FNIP1: variants seen among roughly 807,000 people sequenced by gnomAD.
The protein encoded by FNIP1 is folliculin-interacting protein 1.
FNIP1 carries 40 observed loss-of-function variants against 124.5 expected under a neutral mutation model. That is an observed-to-expected ratio of 0.32 (90% CI 0.25 to 0.42). FNIP1 has a LOEUF of 0.42. FNIP1 is among the 10% of genes least tolerant of loss of function. FNIP1 has a pLI of 1.00. For synonymous variants in FNIP1, 472 were observed against 470.6 expected (o/e 1.00, Z -0.04); for missense variants, 1,176 against 1,403.7 (o/e 0.84, Z 2.59).
At chr5:131,737,823 T>A (rs1770365141) in intron 2 of FNIP1, among the ~76,000 whole-genome samples, 1 of 152,222 alleles carries the variant, frequency 6.6e-6, no homozygotes, top group South Asian at 2.1e-4. Context: ...TCCTGTTAGA[T>A]TCTTAGTTCC....
At chr5:131,754,730 C>T (rs917065731) in intron 1 of FNIP1, among the ~76,000 whole-genome samples, 5 of 152,214 alleles carry the variant, frequency 3.3e-5, no homozygotes, top group South Asian at 2.1e-4. Context: ...CACATACAGA[C>T]TTCTTCATCC....
In FNIP1 at chr5:131,796,710, C is replaced by T. The variant is rs1340806305; in HGVS notation, c.92+120G>A. The stretch of plus-strand genomic sequence containing the variant: ...CAGCCGGCTCCACCCCACCGAGGAC[C>T]AGATGCTGCTCTCGGCGCGGCGCTT... On this transcript the variant is annotated intron_variant, in intron 1 of 17. Coordinates refer to ENST00000510461, the MANE Select transcript of FNIP1 (RefSeq NM_133372.3). The T allele has an allele frequency of 5.5e-6, 5 of 902,478 alleles. No individual in the cohort carries two copies. In the South Asian group the frequency reaches 8.5e-5, roughly 15 times the overall value. 55.9% of individuals were successfully genotyped at this position (902,478 alleles called of 1,614,324 possible).
chr5:131,654,680 T>G (rs1767139790), intron 15 of FNIP1, among the ~76,000 whole-genome samples: 1 of 152,020 alleles, frequency 6.6e-6, no homozygotes, highest in Non-Finnish European at 1.5e-5. Flanking sequence ...AGTTTCGCAG[T>G]GAAAGGGACA....
intron 1 of FNIP1, among the ~76,000 whole-genome samples, chr5:131,764,403 G>A (rs186291719): frequency 7.1e-4 from 108 of 151,050 alleles, no homozygotes; most frequent in Middle Eastern, 3.4e-3. Flanking sequence ...GACCTCCTGG[G>A]CTCAAGTGAC....
At chr5:131,763,265 C>T (rs1054703576) in intron 1 of FNIP1, among the ~76,000 whole-genome samples, 1 of 151,408 alleles carries the variant, frequency 6.6e-6, no homozygotes, top group African/African-American at 2.4e-5. Flanking sequence ...ATTAAAATAT[C>T]TCACATACTT....
chr5:131,670,410 C>A, intron 15 of FNIP1, 53 bp downstream of exon 15: 1 of 1,446,436 alleles, frequency 6.9e-7, no homozygotes, highest in South Asian at 1.6e-5. Context: ...TTGGGTTCTG[C>A]TGCTTAACAG....
chr5:131,748,941 T>G (rs1425569639), intron 1 of FNIP1, among the ~76,000 whole-genome samples: 8 of 152,096 alleles, frequency 5.3e-5, no homozygotes, highest in Non-Finnish European at 1.2e-4. Context: ...AAGATAGTGG[T>G]ACTGATAATC....
chr5:131,652,457 C>T (rs1767067908), intron 15 of FNIP1, among the ~76,000 whole-genome samples: 1 of 152,144 alleles, frequency 6.6e-6, no homozygotes, highest in Admixed American at 6.5e-5. Context: ...CAGGTTCAAG[C>T]CATTCCCCTG....
In FNIP1 at chr5:131,704,205, G is replaced by T. The variant is rs761595163; in HGVS notation, c.976C>A (p.Arg326=). Residue 326 remains arginine, a synonymous_variant, in exon 10 of 18, where the codon CGG becomes AGG. Transcript: ENST00000510461. ...ACCCCAATTGCAATCTTCTTTTTCCGCACAATTCCTGGGTTAGGGCCACAG... is the reference window on the plus strand; with the variant it reads ...ACCCCAATTGCAATCTTCTTTTTCCTCACAATTCCTGGGTTAGGGCCACAG... ...ESCGPNPGIV[R]KKKIAIGVIF... 1 of 1,613,442 alleles carries T rather than the reference G, an allele frequency of 6.2e-7. No homozygotes were observed. Among genetic ancestry groups the T allele is most frequent in the African/African-American group, 1.3e-5 (1 of 74,942 alleles).
intron 1 of FNIP1, among the ~76,000 whole-genome samples, chr5:131,772,841 C>A (rs141351000): frequency 1.3e-5 from 2 of 152,320 alleles, no homozygotes; most frequent in African/African-American, 2.4e-5. Context: ...CTTCTAATTT[C>A]TTCCCACTCT....
intron 6 of FNIP1, among the ~76,000 whole-genome samples, chr5:131,711,036 T>A (rs951481985): frequency 6.6e-5 from 10 of 152,224 alleles, no homozygotes; most frequent in African/African-American, 1.9e-4. Context: ...CCAAATAAAT[T>A]CATTTTTTTA....
At position 131,715,661 on chromosome 5, in the gene FNIP1, A is replaced by G. The variant is rs1034867161; in HGVS notation, c.622+904T>C. On this transcript the variant is annotated intron_variant, in intron 6 of 17. Coordinates refer to ENST00000510461, the MANE Select transcript of FNIP1 (RefSeq NM_133372.3). Reference sequence around the variant, plus strand: ...CGAGTTAAGAAAATGCAGAACTTCTATTTTTCTATAACACACACACATTAT... The same window carrying G: ...CGAGTTAAGAAAATGCAGAACTTCTGTTTTTCTATAACACACACACATTAT... Among the ~76,000 whole-genome samples, 5 of 152,260 alleles carry G rather than the reference A, an allele frequency of 3.3e-5. No individual in the cohort carries two copies. The East Asian group carries it at 9.6e-4, about 29-fold the overall frequency.
chr5:131,673,025 A>G (rs1418417738), intron 13 of FNIP1, 101 bp from the exon 14 acceptor site: 18 of 847,014 alleles, frequency 2.1e-5, no homozygotes, highest in Admixed American at 2.9e-5. Flanking sequence ...TGTATGAGTA[A>G]TAGTTTAGGT....
intron 6 of FNIP1, among the ~76,000 whole-genome samples, chr5:131,716,047 T>G (rs1244533731): frequency 1.3e-5 from 2 of 152,238 alleles, no homozygotes; most frequent in Admixed American, 6.5e-5. Context: ...AATGTGGTAC[T>G]TAAATAACAA....
intron 2 of FNIP1, among the ~76,000 whole-genome samples, chr5:131,738,510 T>C (rs949320668): frequency 2.0e-5 from 3 of 151,774 alleles, no homozygotes; most frequent in Middle Eastern, 3.5e-3. Flanking sequence ...ATATCTTTGC[T>C]TGAGACAGAG....
intron 1 of FNIP1, among the ~76,000 whole-genome samples, chr5:131,745,769 T>C (rs1770656923): frequency 6.6e-6 from 1 of 152,086 alleles, no homozygotes; most frequent in African/African-American, 2.4e-5. Context: ...AGTCAGACAA[T>C]GACTCACACA....
intron 1 of FNIP1, among the ~76,000 whole-genome samples, chr5:131,748,838 T>C (rs1770774134): frequency 6.6e-6 from 1 of 152,132 alleles, no homozygotes; most frequent in East Asian, 1.9e-4. Flanking sequence ...TCAGGAGGTA[T>C]TCCAGAAAAA....
At chr5:131,749,476 T>A (rs969789327) in intron 1 of FNIP1, among the ~76,000 whole-genome samples, 4 of 149,878 alleles carry the variant, frequency 2.7e-5, no homozygotes. Context: ...CACTGCAACC[T>A]CCGCTTCCGG....
chr5:131,645,854 G>A (rs1766865426), intron 17 of FNIP1, among the ~76,000 whole-genome samples: 1 of 152,088 alleles, frequency 6.6e-6, no homozygotes, highest in Non-Finnish European at 1.5e-5. Context: ...ATAGTAAAAG[G>A]CAAGTTGTAC....
Sources: allele counts gnomAD v4.1 joint callset (sites outside exome capture counted in the v4.1 genomes callset), GRCh38; gene constraint gnomAD v4.1.1; transcripts MANE v1.5; gene names NCBI Gene and HGNC (gene_info 2026-07-23, HGNC 2026-07-21).